The following RYR1 variants were observed in gnomAD, a reference collection of about 807,000 sequenced individuals.
The protein encoded by RYR1 is ryanodine receptor 1, also known as central core disease of muscle.
Under a neutral mutation model 583.5 loss-of-function variants are expected in RYR1, and 342 were observed. The observed-to-expected ratio is 0.59, with a 90% CI of 0.54 to 0.64. The LOEUF is 0.64. Among genes scored for constraint, RYR1 ranks in the 30% least tolerant of loss-of-function variants. RYR1 has a pLI of 0.00. For synonymous variants in RYR1, 2,791 were observed against 2,822.5 expected (o/e 0.99, Z 0.35); for missense variants, 6,032 against 6,917.2 (o/e 0.87, Z 4.54).
At chr19:38,502,858 C>A (rs376927932) in intron 48 of RYR1, 22 bp from the exon 49 acceptor site, 34 of 1,607,140 alleles carry the variant, frequency 2.1e-5, no homozygotes, top group Non-Finnish European at 2.8e-5. Context: ...GGGGATTCTA[C>A]ATCTTGTGCA....
intron 1 of RYR1, among the ~76,000 whole-genome samples, chr19:38,439,612 T>G (rs1332908452): frequency 6.6e-6 from 1 of 152,170 alleles, no homozygotes; most frequent in Admixed American, 6.5e-5. Context: ...GTTCAGGCGA[T>G]TCTCCTGGCT....
chr19:38,557,726 C>T (rs377013629), intron 89 of RYR1, among the ~76,000 whole-genome samples: 15 of 152,126 alleles, frequency 9.9e-5, no homozygotes, highest in Non-Finnish European at 1.5e-4. Flanking sequence ...ATCACTTGAA[C>T]CCAGGAGGGG....
intron 71 of RYR1, among the ~76,000 whole-genome samples, chr19:38,526,743 T>C (rs1971482608): frequency 6.6e-6 from 1 of 152,118 alleles, no homozygotes; most frequent in East Asian, 1.9e-4. Flanking sequence ...ACCCTTTGCC[T>C]CTTCCCAGAC....
At position 38,451,802 on chromosome 19, in the gene RYR1, G is replaced by A. The variant is rs1967087546; in HGVS notation, c.1161G>A (p.Leu387=). The A allele has an allele frequency of 6.2e-7, 1 of 1,614,010 alleles. No homozygotes were observed. The highest frequency in any genetic ancestry group is 8.5e-7 in the Non-Finnish European group (1 of 1,180,040). ...LHQEGHMDDA[L]SLTRCQQEES... ...AGGAGGGCCACATGGACGACGCACT[G>A]TCGCTGACCCGCTGCCAGCAGGAGG... is the stretch of plus-strand genomic sequence containing the variant. Residue 387 remains leucine (L), a synonymous_variant, in exon 12 of 106, where the codon CTG becomes CTA. Coordinates refer to ENST00000359596, the MANE Select transcript of RYR1 (RefSeq NM_000540.3).
At position 38,535,135 on chromosome 19, in the gene RYR1, C is replaced by G. The variant is rs1971910969; in HGVS notation, c.11360-6C>G. ...TGGACCATCTTTTTTCTCCCACTCC[C>G]TCCAGGAGAGACAGGTGCCATGGTG... On this transcript the variant is annotated splice_region_variant and splice_polypyrimidine_tract_variant and intron_variant, in intron 79 of 105. Coordinates refer to ENST00000359596, the MANE Select transcript of RYR1 (RefSeq NM_000540.3). 1 of 1,613,344 alleles carries G rather than the reference C, an allele frequency of 6.2e-7. No homozygotes were observed. The highest frequency in any genetic ancestry group is 1.1e-5 in the South Asian group (1 of 91,058).
rs377544523 is a variant in RYR1, at chr19:38,445,862, C to T, written c.632-610C>T. 1.0e-4 allele frequency among the ~76,000 whole-genome samples: 15 copies of T among 145,670 alleles called. No homozygotes were observed. In the South Asian group the frequency reaches 1.9e-3, roughly 19 times the overall value. The stretch of plus-strand genomic sequence containing the variant: ...AAAATTGGCTGGGCATGATGGCGGG[C>T]GGCTGTAGCCCCAGCTACTTGGGAG... On this transcript the variant is annotated intron_variant, in intron 7 of 105. Coordinates refer to ENST00000359596, the MANE Select transcript of RYR1 (RefSeq NM_000540.3).
intron 84 of RYR1, among the ~76,000 whole-genome samples, chr19:38,539,041 C>T (rs543767837): frequency 1.3e-5 from 2 of 152,224 alleles, no homozygotes; most frequent in South Asian, 2.1e-4. Flanking sequence ...AGTAATCTTA[C>T]TTCCATAGAA....
At chr19:38,558,075 G>A (rs1972957133) in intron 89 of RYR1, among the ~76,000 whole-genome samples, 1 of 152,066 alleles carries the variant, frequency 6.6e-6, no homozygotes, top group Admixed American at 6.6e-5. Context: ...TTGGGAGGCT[G>A]AGGTGGGAGG....
intron 101 of RYR1, among the ~76,000 whole-genome samples, chr19:38,581,340 G>A (rs533454754): frequency 8.5e-5 from 13 of 152,162 alleles, no homozygotes; most frequent in Non-Finnish European, 1.3e-4. Flanking sequence ...GCCTCCCAAA[G>A]TGCTGGGATT....
chr19:38,582,994 G>A (rs1974283489), intron 101 of RYR1, among the ~76,000 whole-genome samples: 1 of 151,848 alleles, frequency 6.6e-6, no homozygotes. Flanking sequence ...ACATCCTGGG[G>A]ACACGGAAAG....
chr19:38,475,370 C>A lies in RYR1; in HGVS notation c.4213C>A (p.Pro1405Thr), dbSNP rs376567445. The A allele has an allele frequency of 4.1e-5, 66 of 1,612,856 alleles. No individual in the cohort carries two copies. The highest frequency in any genetic ancestry group is 5.2e-5 in the Non-Finnish European group (61 of 1,179,508). ...CATGATGACCCAGCCACCGGCCACC[C>A]CCACGCTGCCCCGACTCCCTCACGA... ...VAMMTQPPAT[P>T]TLPRLPHDVV... Residue 1405 changes from proline to threonine, a missense_variant, in exon 29 of 106, where the codon CCC (proline) becomes ACC (threonine). Transcript: ENST00000359596.
At chr19:38,465,232 A>C (rs1968031279) in intron 23 of RYR1, among the ~76,000 whole-genome samples, 2 of 152,084 alleles carry the variant, frequency 1.3e-5, no homozygotes, top group Admixed American at 6.6e-5. Flanking sequence ...GCACTTTGGG[A>C]GGTTGAGGCA....
intron 82 of RYR1, among the ~76,000 whole-genome samples, 156 bp from the exon 83 acceptor site, chr19:38,536,594 A>C (rs1399194495): frequency 1.4e-5 from 2 of 143,540 alleles, no homozygotes; most frequent in Non-Finnish European, 3.1e-5. Flanking sequence ...CTGTCTCCTT[A>C]TCACTCTGCC....
intron 67 of RYR1, among the ~76,000 whole-genome samples, chr19:38,520,021 AT>A (rs891015629): frequency 6.9e-6 from 1 of 144,442 alleles, no homozygotes; most frequent in African/African-American, 2.6e-5. Flanking sequence ...GGACATTTAG[AT>A]TGTGTCGATT....
At chr19:38,476,171 T>G (rs1968713533) in intron 29 of RYR1, among the ~76,000 whole-genome samples, 1 of 152,004 alleles carries the variant, frequency 6.6e-6, no homozygotes, top group Admixed American at 6.6e-5. Context: ...AACAGGCTCC[T>G]GCCACCATGC....
At chr19:38,451,105 C>G (rs947348317) in intron 11 of RYR1, among the ~76,000 whole-genome samples, 2 of 152,246 alleles carry the variant, frequency 1.3e-5, no homozygotes, top group Non-Finnish European at 2.9e-5. Context: ...AACAGAGCCA[C>G]TTACTACAGC....
chr19:38,567,944 CCTT>C (rs1021020665), intron 93 of RYR1, 27 bp downstream of exon 93: 26 of 1,611,568 alleles, frequency 1.6e-5, no homozygotes, highest in Admixed American at 6.7e-5. Context: ...GTCACCTGAA[CCTT>C]CTTCTCCCCG....
intron 31 of RYR1, 72 bp downstream of exon 31, chr19:38,478,672 C>G (rs545091124): frequency 1.3e-6 from 2 of 1,559,654 alleles, no homozygotes; most frequent in East Asian, 4.5e-5. Flanking sequence ...TATAGATGTC[C>G]CCTGAGGCCA....
At position 38,489,373 on chromosome 19, in the gene RYR1, A is replaced by G; in HGVS notation, c.5744A>G (p.Glu1915Gly). The change falls in exon 35 of 106, where the codon GAA becomes GGA. Residue 1915 changes from glutamate (E) to glycine (G), a missense_variant. Coordinates refer to ENST00000359596, the MANE Select transcript of RYR1 (RefSeq NM_000540.3). The stretch of plus-strand genomic sequence containing the variant: ...GAAAAAGAGGAAGAGGAGGCAGCAG[A>G]AGGGGAGAAAGAAGAAGGCTTGGAG... ...DEEKEEEEAA[E>G]GEKEEGLEEG... 1 of 1,613,988 alleles carries G rather than the reference A, an allele frequency of 6.2e-7. No homozygotes were observed. The highest frequency in any genetic ancestry group is 1.3e-5 in the African/African-American group (1 of 75,020).
Sources: allele counts gnomAD v4.1 joint callset (sites outside exome capture counted in the v4.1 genomes callset), GRCh38; gene constraint gnomAD v4.1.1; transcripts MANE v1.5; gene names NCBI Gene and HGNC (gene_info 2026-07-23, HGNC 2026-07-21).